MAML2: variants seen among roughly 807,000 people sequenced by gnomAD.
MAML2 encodes mastermind like transcriptional coactivator 2, also known as mastermind-like protein 2.
A neutral mutation model predicts 96.1 loss-of-function variants in MAML2; 22 were observed. The ratio of observed to expected loss-of-function variants is 0.23; its 90% CI spans 0.16 to 0.33. MAML2 has a LOEUF of 0.33. Among genes scored for constraint, MAML2 ranks in the 10% least tolerant of loss-of-function variants. The probability of loss-of-function intolerance (pLI) is 1.00; values close to 1 mark genes in which losing one functional copy is unlikely to be tolerated. For synonymous variants in MAML2, 561 were observed against 521.3 expected (o/e 1.08, Z -1.04); for missense variants, 1,367 against 1,392.4 (o/e 0.98, Z 0.29).
chr11:95,993,439 T>G lies in MAML2; in HGVS notation c.2140-1716A>C, dbSNP rs552075765. On this transcript the variant is annotated intron_variant, in intron 2 of 4. Transcript: ENST00000524717. ...AAAATTAGTTGGGTGTGGTGGCACA[T>G]GCCTGTAATCCCAATTACTTACTCA... 1.2e-4 allele frequency among the ~76,000 whole-genome samples: 18 copies of G among 152,208 alleles called. No homozygotes were observed. The South Asian group carries it at 3.3e-3, about 28-fold the overall frequency.
At chr11:96,021,358 C>T (rs1858432474) in intron 2 of MAML2, among the ~76,000 whole-genome samples, 1 of 152,188 alleles carries the variant, frequency 6.6e-6, no homozygotes, top group Non-Finnish European at 1.5e-5. Context: ...GTTTCTGTAA[C>T]TGGTGCTTTA....
At chr11:96,082,950 T>C (rs190751421) in intron 2 of MAML2, among the ~76,000 whole-genome samples, 1 of 152,052 alleles carries the variant, frequency 6.6e-6, no homozygotes. Flanking sequence ...ATGAAAGTCA[T>C]TTTTGAAGAA....
At chr11:96,126,161 T>C (rs1860434388) in intron 1 of MAML2, among the ~76,000 whole-genome samples, 1 of 152,154 alleles carries the variant, frequency 6.6e-6, no homozygotes, top group Non-Finnish European at 1.5e-5. Flanking sequence ...ATCTGAGGGA[T>C]ATAGGACATT....
chr11:96,185,228 T>C (rs550412923), intron 1 of MAML2, among the ~76,000 whole-genome samples: 2 of 150,478 alleles, frequency 1.3e-5, no homozygotes, highest in South Asian at 4.1e-4. Flanking sequence ...CAGGGACTTT[T>C]GGTTACACGC....
At chr11:96,324,503 C>T (rs1245556048) in intron 1 of MAML2, among the ~76,000 whole-genome samples, 3 of 152,054 alleles carry the variant, frequency 2.0e-5, no homozygotes, top group East Asian at 1.9e-4. Context: ...TTCATGCTTG[C>T]CACAGGGTAG....
In MAML2 at chr11:95,977,786, A is replaced by G. The variant is rs1857669988; in HGVS notation, c.*1162T>C. On this transcript the variant is annotated 3_prime_UTR_variant, in exon 5 of 5. Transcript: ENST00000524717. ...AAAGAACAAACAGAATGCTCCTAAC[A>G]GACCACATTCCATTTTGTTGCTCAC... 1 of 225,732 alleles carries G rather than the reference A, an allele frequency of 4.4e-6. No homozygotes were observed. The highest frequency in any genetic ancestry group is 2.2e-5 in the African/African-American group (1 of 44,996). 14.0% of individuals were successfully genotyped at this position (225,732 alleles called of 1,614,324 possible).
chr11:96,342,877 A>C lies in MAML2; in HGVS notation c.-982T>G. The C allele has an allele frequency of 2.8e-6, 1 of 353,876 alleles. No homozygotes were observed. 21.9% of individuals were successfully genotyped at this position (353,876 alleles called of 1,614,324 possible). A position where few individuals can be genotyped will look rare whatever the true frequency, so the allele number is the denominator to read the frequency against. On this transcript the variant is annotated 5_prime_UTR_variant, in exon 1 of 5. Coordinates refer to ENST00000524717, the MANE Select transcript of MAML2 (RefSeq NM_032427.4). ...GTATCAAGAGAGACAAACTCTTCCG[A>C]GAGTAATTTACAAACGATGGTCAAA... is the stretch of plus-strand genomic sequence containing the variant.
At chr11:96,173,743 T>C (rs913269497) in intron 1 of MAML2, among the ~76,000 whole-genome samples, 1 of 152,202 alleles carries the variant, frequency 6.6e-6, no homozygotes, top group African/African-American at 2.4e-5. Flanking sequence ...AGGGACTTCT[T>C]TGTCTTCGTT....
At chr11:96,040,808 T>A (rs1858795830) in intron 2 of MAML2, among the ~76,000 whole-genome samples, 1 of 152,156 alleles carries the variant, frequency 6.6e-6, no homozygotes. Context: ...GTACTTCTCA[T>A]AACTAACCAC....
intron 1 of MAML2, among the ~76,000 whole-genome samples, chr11:96,114,930 T>G (rs756921469): frequency 6.6e-6 from 1 of 152,094 alleles, no homozygotes; most frequent in Non-Finnish European, 1.5e-5. Flanking sequence ...TCAAAAAGAC[T>G]GTTGTCAAGA....
chr11:96,260,522 A>T (rs1862734088), intron 1 of MAML2, among the ~76,000 whole-genome samples: 1 of 152,116 alleles, frequency 6.6e-6, no homozygotes, highest in Admixed American at 6.6e-5. Context: ...TGCTTTTGGG[A>T]CACTTTCAGC....
intron 2 of MAML2, among the ~76,000 whole-genome samples, chr11:96,026,836 AAG>A (rs1858530272): frequency 6.6e-6 from 1 of 150,692 alleles, no homozygotes; most frequent in African/African-American, 2.5e-5. Flanking sequence ...AAAAAAAAAA[AAG>A]GTATCTTATA....
At chr11:96,034,334 C>T (rs1386988306) in intron 2 of MAML2, among the ~76,000 whole-genome samples, 1 of 151,916 alleles carries the variant, frequency 6.6e-6, no homozygotes, top group Non-Finnish European at 1.5e-5. Context: ...GAATATGACC[C>T]CCATCTCCCT....
intron 1 of MAML2, among the ~76,000 whole-genome samples, chr11:96,203,510 GT>G (rs1396970902): frequency 6.6e-6 from 1 of 152,142 alleles, no homozygotes; most frequent in African/African-American, 2.4e-5. Context: ...ATTTTATTTA[GT>G]TTTTTTAGAT....
At chr11:96,146,524 T>C (rs1398485635) in intron 1 of MAML2, among the ~76,000 whole-genome samples, 1 of 152,234 alleles carries the variant, frequency 6.6e-6, no homozygotes, top group Non-Finnish European at 1.5e-5. Flanking sequence ...TATGAGTCTG[T>C]TGTCTAACAT....
At chr11:96,056,437 T>C (rs1859071804) in intron 2 of MAML2, among the ~76,000 whole-genome samples, 1 of 149,844 alleles carries the variant, frequency 6.7e-6, no homozygotes, top group South Asian at 2.1e-4. Context: ...GTCTTTGACA[T>C]GAATCTCTTT....
At chr11:96,196,168 A>C (rs958056505) in intron 1 of MAML2, among the ~76,000 whole-genome samples, 3 of 152,220 alleles carry the variant, frequency 2.0e-5, no homozygotes, top group Non-Finnish European at 4.4e-5. Flanking sequence ...TGTTTTCTAC[A>C]CACATTATTA....
rs1189468932 is a variant in MAML2 at position 95,979,308 on chromosome 11, A to T, written c.3111T>A (p.Asn1037Lys). ...CCCTGAGGGGACCCATGGTTTGCCC[A>T]TTTAGTGTTTGGCTCATTTGGTTCA... ...RPMNQMSQTL[N>K]GQTMGPLRGL... Residue 1037 changes from asparagine (N) to lysine (K), a missense_variant, in exon 5 of 5, where the codon AAT becomes AAA. Transcript: ENST00000524717. The T allele has an allele frequency of 6.2e-6, 10 of 1,613,810 alleles. No homozygotes were observed. Among genetic ancestry groups the T allele is most frequent in the Non-Finnish European group, 8.5e-6 (10 of 1,179,872 alleles).
intron 1 of MAML2, among the ~76,000 whole-genome samples, chr11:96,155,114 G>A (rs755423690): frequency 6.6e-6 from 1 of 152,070 alleles, no homozygotes; most frequent in Non-Finnish European, 1.5e-5. Flanking sequence ...GCCTAATTGG[G>A]GACTTCACTT....
Sources: gnomAD v4.1 joint callset for allele counts (sites outside exome capture counted in the v4.1 genomes callset) on GRCh38, gnomAD v4.1.1 for gene constraint, MANE v1.5 for transcripts, NCBI Gene and HGNC (gene_info 2026-07-23, HGNC 2026-07-21) for gene names.